The following RBM18 variants were observed in gnomAD, a reference collection of about 807,000 sequenced individuals.
The protein encoded by RBM18 is RNA binding motif protein 18, also known as probable RNA-binding protein 18.
Under a neutral mutation model 26.4 loss-of-function variants are expected in RBM18, and 18 were observed. The observed-to-expected ratio is 0.68, with a 90% CI of 0.47 to 1.01. The LOEUF is 1.01. RBM18 is among the 50% of genes least tolerant of loss of function. The pLI is 0.00. For missense variants in RBM18, 180 were observed against 219.2 expected (o/e 0.82, Z 1.13); for synonymous variants, 74 against 81.1 (o/e 0.91, Z 0.47).
Position 122,247,722 on chromosome 9 carries a change from A to G in RBM18, c.241-118T>C, listed in dbSNP as rs1831526858. ...GTTTCTAACAAATTGTTTTTGGTAAATAACTGGCAAGGGTTTACAATTTTA... is the reference window on the plus strand; with the variant it reads ...GTTTCTAACAAATTGTTTTTGGTAAGTAACTGGCAAGGGTTTACAATTTTA... On this transcript the variant is annotated intron_variant, in intron 3 of 5. Transcript: ENST00000417201. 6 of 750,110 alleles carry G rather than the reference A, an allele frequency of 8.0e-6. No homozygotes were observed. The South Asian group carries it at 9.0e-5, about 11-fold the overall frequency. The allele number at this position is 750,110 out of a possible 1,614,324, so 46.5% of individuals were successfully genotyped here.
chr9:122,263,862 AC>A (rs1831888154), intron 1 of RBM18, among the ~76,000 whole-genome samples: 1 of 152,168 alleles, frequency 6.6e-6, no homozygotes, highest in Non-Finnish European at 1.5e-5. Context: ...TCAAATCCTG[AC>A]TTTTGCACCT....
chr9:122,246,913 GT>G (rs200132831), intron 4 of RBM18, among the ~76,000 whole-genome samples: 3 of 151,692 alleles, frequency 2.0e-5, no homozygotes, highest in East Asian at 1.9e-4. Context: ...CATTTGTTTT[GT>G]TTTTTTTAAT....
chr9:122,259,268 C>T (rs527911638), intron 2 of RBM18, among the ~76,000 whole-genome samples: 15 of 152,324 alleles, frequency 9.8e-5, no homozygotes, highest in African/African-American at 3.4e-4. Context: ...GCAGCCAACA[C>T]AACCAACGCT....
At chr9:122,254,600 C>T (rs73663060) in intron 2 of RBM18, among the ~76,000 whole-genome samples, 5,932 of 152,314 alleles carry the variant, frequency 0.039, 398 homozygotes, top group African/African-American at 0.13. Flanking sequence ...ACACACATAT[C>T]TGCAACTTAA....
chr9:122,263,137 C>T (rs1430402067), intron 1 of RBM18, among the ~76,000 whole-genome samples: 2 of 152,170 alleles, frequency 1.3e-5, no homozygotes, highest in Non-Finnish European at 2.9e-5. Context: ...GCAGTCACAA[C>T]AACTGCCATT....
At chr9:122,243,196 T>C (rs1286865530) in intron 5 of RBM18, among the ~76,000 whole-genome samples, 2 of 152,158 alleles carry the variant, frequency 1.3e-5, no homozygotes, top group Non-Finnish European at 2.9e-5. Context: ...GGTCTTGAAC[T>C]CCTGGCTTCA....
intron 4 of RBM18, among the ~76,000 whole-genome samples, chr9:122,246,271 G>C (rs1285294823): frequency 6.6e-6 from 1 of 152,170 alleles, no homozygotes; most frequent in Non-Finnish European, 1.5e-5. Flanking sequence ...GCCTCCCAAA[G>C]TGCTGGGATT....
intron 1 of RBM18, 159 bp downstream of exon 1, chr9:122,264,556 C>G (rs953814139): frequency 3.9e-5 from 6 of 152,312 alleles, no homozygotes; most frequent in Non-Finnish European, 8.8e-5. Context: ...GCTGCGAATT[C>G]CTACAGGCGA....
At chr9:122,254,557 C>T (rs1051012080) in intron 2 of RBM18, among the ~76,000 whole-genome samples, 2 of 152,194 alleles carry the variant, frequency 1.3e-5, no homozygotes, top group African/African-American at 4.8e-5. Context: ...GCCCTGCAGC[C>T]TTCAGGAGCT....
At chr9:122,244,557 G>C (rs1010036244) in intron 5 of RBM18, among the ~76,000 whole-genome samples, 1 of 152,170 alleles carries the variant, frequency 6.6e-6, no homozygotes, top group Non-Finnish European at 1.5e-5. Flanking sequence ...TCAGCCATAA[G>C]TAAATGACAC....
chr9:122,249,467 CT>C (rs2118959041), intron 3 of RBM18, among the ~76,000 whole-genome samples: 1 of 152,258 alleles, frequency 6.6e-6, no homozygotes, highest in East Asian at 1.9e-4. Flanking sequence ...AATTTCAGCA[CT>C]TTGGGAGGCC....
rs1183487438 is a variant in RBM18, at chr9:122,261,929, GGAAGAGGCAATATAGCAAAGA to G, written c.-16-442_-16-422del. Among the ~76,000 whole-genome samples the G allele has an allele frequency of 5.1e-3, 781 of 152,178 alleles. 4 individuals are homozygous for G. The highest frequency in any genetic ancestry group is 7.2e-3 in the Non-Finnish European group (492 of 68,006). Reference sequence around the variant, plus strand: ...GCAGCACTCCATCCCTTTTCCTCATGGAAGAGGCAATATAGCAAAGAGAAGAGGCAATATAGCAAAGAGAAG... The same window carrying G: ...GCAGCACTCCATCCCTTTTCCTCATGGAAGAGGCAATATAGCAAAGAGAAG... On this transcript the variant is annotated intron_variant, in intron 1 of 5. Transcript: ENST00000417201.
intron 3 of RBM18, among the ~76,000 whole-genome samples, chr9:122,250,353 A>G (rs888092946): frequency 6.6e-5 from 10 of 152,226 alleles, no homozygotes; most frequent in African/African-American, 2.4e-4. Flanking sequence ...TGGCAGATAT[A>G]CATAATTAGA....
chr9:122,260,746 C>T (rs1187595652), intron 2 of RBM18, among the ~76,000 whole-genome samples: 1 of 152,190 alleles, frequency 6.6e-6, no homozygotes, highest in African/African-American at 2.4e-5. Context: ...TTGGTTCCAT[C>T]TCTTCTCCCT....
chr9:122,252,590 G>C (rs1831622200), intron 2 of RBM18, among the ~76,000 whole-genome samples: 1 of 152,202 alleles, frequency 6.6e-6, no homozygotes, highest in African/African-American at 2.4e-5. Context: ...TGACTGATGT[G>C]ACTGAACATG....
chr9:122,250,970 A>G (rs908721262), intron 3 of RBM18, among the ~76,000 whole-genome samples: 2 of 151,578 alleles, frequency 1.3e-5, no homozygotes, highest in African/African-American at 4.8e-5. Flanking sequence ...CCCAGGCTGG[A>G]TGGAGTATAG....
Position 122,242,031 on chromosome 9 carries a change from C to T in RBM18, c.426G>A (p.Lys142=). The change falls in exon 6 of 6, where the codon AAG becomes AAA. Residue 142 remains lysine (K), a synonymous_variant. Transcript: ENST00000417201. The part of the protein sequence containing the change: ...PTQSNLSVTA[K]IKAIEAKLKM... ...TCAGTTTTGCTTCAATGGCTTTTAT[C>T]TTTGCAGTGACACTGGAAAAATAAT... 6.2e-7 allele frequency: 1 copy of T among 1,613,968 alleles called. No homozygotes were observed. Among genetic ancestry groups the T allele is most frequent in the Non-Finnish European group, 8.5e-7 (1 of 1,179,958 alleles).
chr9:122,258,101 C>A (rs114407182), intron 2 of RBM18, among the ~76,000 whole-genome samples: 3,548 of 152,242 alleles, frequency 0.023, 141 homozygotes, highest in African/African-American at 0.08. Context: ...CTCAGAGGAA[C>A]AAGATCCAGA....
chr9:122,241,572 T>C lies in RBM18; in HGVS notation c.*312A>G, dbSNP rs1831422063. Reference sequence around the variant, plus strand: ...TTCCTGATTTAAATAATATTTTGTGTATTTGCCTTTTGCTCTGGCACACTA... The same window carrying C: ...TTCCTGATTTAAATAATATTTTGTGCATTTGCCTTTTGCTCTGGCACACTA... On this transcript the variant is annotated 3_prime_UTR_variant, in exon 6 of 6. Transcript: ENST00000417201. The C allele has an allele frequency of 4.5e-6, 1 of 222,406 alleles. No homozygotes were observed. Among genetic ancestry groups the C allele is most frequent in the Non-Finnish European group, 8.7e-6 (1 of 114,898 alleles). The allele number at this position is 222,406 out of a possible 1,614,324, so 13.8% of individuals were successfully genotyped here.
Sources: allele counts gnomAD v4.1 joint callset (sites outside exome capture counted in the v4.1 genomes callset), GRCh38; gene constraint gnomAD v4.1.1; transcripts MANE v1.5; gene names NCBI Gene and HGNC (gene_info 2026-07-23, HGNC 2026-07-21).